Variants in NAA15 observed in about 807,000 individuals in gnomAD.
NAA15 encodes the protein N-alpha-acetyltransferase 15, NatA auxiliary subunit, also known as N-terminal acetyltransferase.
A neutral mutation model predicts 114.0 loss-of-function variants in NAA15; 34 were observed. The observed-to-expected ratio is 0.30, with a 90% confidence interval of 0.23 to 0.40. The LOEUF (loss-of-function observed/expected upper bound fraction) is 0.40, where lower values mean the gene tolerates loss of function less well. NAA15 is among the 10% of genes least tolerant of loss of function. The pLI, the probability that NAA15 is intolerant of heterozygous loss-of-function variation, is 1.00. For synonymous variants in NAA15, 340 were observed against 338.0 expected (o/e 1.01, Z -0.06); for missense variants, 658 against 1,004.5 (o/e 0.66, Z 4.66).
At chr4:139,377,947 G>A (rs1336114891) in intron 16 of NAA15, among the ~76,000 whole-genome samples, 8 of 152,268 alleles carry the variant, frequency 5.3e-5, no homozygotes, top group African/African-American at 1.9e-4. Flanking sequence ...TTGCTTCTTG[G>A]CTGTGTCCTA....
chr4:139,321,209 A>T (rs1466177460), intron 1 of NAA15, among the ~76,000 whole-genome samples: 3 of 151,596 alleles, frequency 2.0e-5, no homozygotes, highest in Non-Finnish European at 4.4e-5. Flanking sequence ...GTTGGGTTAA[A>T]TTTGCTCTTG....
chr4:139,340,290 C>T (rs1031397722), intron 3 of NAA15, among the ~76,000 whole-genome samples: 1 of 152,080 alleles, frequency 6.6e-6, no homozygotes, highest in Non-Finnish European at 1.5e-5. Flanking sequence ...CCACGACACT[C>T]CAGACTGGGT....
intron 1 of NAA15, chr4:139,302,036 C>T: frequency 4.3e-6 from 2 of 466,272 alleles, no homozygotes; most frequent in Non-Finnish European, 7.5e-6. Flanking sequence ...CTTCTTCATT[C>T]CATCCCCACG....
Position 139,301,572 on chromosome 4 carries a change from G to A in NAA15, c.-206G>A, listed in dbSNP as rs1745741979. ...ACGGAGACCCGTAGTGGGGGAGGCG[G>A]CGGCAGCGTTAAGTGAGAAAGGAAA... is the stretch of plus-strand genomic sequence containing the variant. On this transcript the variant is annotated 5_prime_UTR_variant, in exon 1 of 20. Transcript: ENST00000296543. 2 of 597,716 alleles carry A rather than the reference G, an allele frequency of 3.3e-6. No homozygotes were observed. Among genetic ancestry groups the A allele is most frequent in the Non-Finnish European group, 5.8e-6 (2 of 343,716 alleles). 37.0% of individuals were successfully genotyped at this position (597,716 alleles called of 1,614,324 possible).
chr4:139,325,042 C>T (rs990186830), intron 1 of NAA15, among the ~76,000 whole-genome samples: 4 of 152,056 alleles, frequency 2.6e-5, no homozygotes, highest in Non-Finnish European at 5.9e-5. Flanking sequence ...GGATCTAAAA[C>T]TCAGTTACTG....
chr4:139,315,340 C>CA (rs1267713475), intron 1 of NAA15, among the ~76,000 whole-genome samples: 2 of 151,762 alleles, frequency 1.3e-5, no homozygotes, highest in Non-Finnish European at 2.9e-5. Flanking sequence ...GGCAATATGG[C>CA]AAAACCCTAT....
In NAA15 at chr4:139,357,483, G is replaced by C; in HGVS notation, c.1185G>C (p.Glu395Asp). 1.2e-6 allele frequency: 2 copies of C among 1,612,976 alleles called. No homozygotes were observed. The highest frequency in any genetic ancestry group is 1.7e-4 in the Middle Eastern group (1 of 6,054). The change falls in exon 11 of 20, where the codon GAG becomes GAC. Residue 395 changes from glutamate (E) to aspartate (D), a missense_variant. Around this residue, in one of 6 missense-constraint regions of NAA15, gnomAD observed 281 missense variants for 389.1 expected, o/e 0.72. Transcript: ENST00000296543. ...TTGGTCAGCCATCTATTGCTTTGGA[G>C]TACATAAATACTGCTATTGAAAGTA... is the stretch of plus-strand genomic sequence containing the variant. ...DKIGQPSIAL[E>D]YINTAIESTP...
chr4:139,339,689 T>G (rs1239278205), intron 3 of NAA15, among the ~76,000 whole-genome samples: 1 of 152,056 alleles, frequency 6.6e-6, no homozygotes, highest in Admixed American at 6.6e-5. Flanking sequence ...AGGCAGAGGT[T>G]GCAGTGAGCT....
chr4:139,313,976 A>G (rs1746302306), intron 1 of NAA15, among the ~76,000 whole-genome samples: 2 of 151,952 alleles, frequency 1.3e-5, no homozygotes, highest in South Asian at 4.1e-4. Context: ...TTTGACCACA[A>G]CATTAAAAAA....
At chr4:139,379,672 C>T (rs1748686420) in intron 17 of NAA15, among the ~76,000 whole-genome samples, 1 of 152,094 alleles carries the variant, frequency 6.6e-6, no homozygotes, top group Admixed American at 6.6e-5. Context: ...ATCACATTGC[C>T]AACTCCATAC....
chr4:139,346,900 C>T (rs1230514643), intron 6 of NAA15, among the ~76,000 whole-genome samples: 9 of 152,036 alleles, frequency 5.9e-5, no homozygotes, highest in South Asian at 2.1e-4. Flanking sequence ...GGGAAGGAAA[C>T]GAGGATGGGT....
Position 139,384,977 on chromosome 4 carries a change from A to G in NAA15, c.2301A>G (p.Ser767=). The G allele has an allele frequency of 6.6e-7, 1 of 1,521,112 alleles. No homozygotes were observed. The highest frequency in any genetic ancestry group is 1.4e-5 in the South Asian group (1 of 73,602). 94.2% of individuals were successfully genotyped at this position (1,521,112 alleles called of 1,614,324 possible). The change falls in exon 18 of 20, where the codon TCA becomes TCG. Residue 767 remains serine (S), a splice_region_variant and synonymous_variant. Transcript: ENST00000296543. ...CTGATTCATTGCCACACAGATTATC[A>G]GGTAATCACTTTATTTTATCCTTAG... is the stretch of plus-strand genomic sequence containing the variant. The part of the protein sequence containing the change: ...RNSDSLPHRL[S]AAKMVYYLDP...
chr4:139,306,600 T>G (rs1156423353), intron 1 of NAA15, among the ~76,000 whole-genome samples: 1 of 150,734 alleles, frequency 6.6e-6, no homozygotes, highest in Non-Finnish European at 1.5e-5. Context: ...TGGTCTGGTT[T>G]TTTTTTTGTT....
intron 17 of NAA15, chr4:139,379,404 A>G (rs932272210): frequency 1.3e-5 from 2 of 152,232 alleles, no homozygotes; most frequent in African/African-American, 4.8e-5. Context: ...TGTTACAGTA[A>G]TTGTCTCTCA....
chr4:139,390,132 T>G lies in NAA15; in HGVS notation c.*2048T>G, dbSNP rs1749016650. Reference sequence around the variant, plus strand: ...GTATATTGAAATGAAATTCATTTATTTGTCTTGACAATGTTCAAATGATGT... The same window carrying G: ...GTATATTGAAATGAAATTCATTTATGTGTCTTGACAATGTTCAAATGATGT... On this transcript the variant is annotated 3_prime_UTR_variant, in exon 20 of 20. Coordinates refer to ENST00000296543, the MANE Select transcript of NAA15 (RefSeq NM_057175.5). 1 of 152,662 alleles carries G rather than the reference T, an allele frequency of 6.6e-6. No individual in the cohort carries two copies. The highest frequency in any genetic ancestry group is 2.4e-5 in the African/African-American group (1 of 41,456). 9.5% of individuals were successfully genotyped at this position (152,662 alleles called of 1,614,324 possible). A position where few individuals can be genotyped will look rare whatever the true frequency, so the allele number is the denominator to read the frequency against.
intron 1 of NAA15, among the ~76,000 whole-genome samples, chr4:139,310,449 G>A (rs1053786491): frequency 1.2e-4 from 16 of 138,928 alleles, no homozygotes; most frequent in African/African-American, 2.1e-4. Context: ...GCGAGACTCC[G>A]TCTCAAAAAA....
chr4:139,334,332 C>T (rs759415761), intron 2 of NAA15, 74 bp downstream of exon 2: 26 of 964,562 alleles, frequency 2.7e-5, no homozygotes, highest in Non-Finnish European at 3.8e-5. Context: ...TTCCCAGCTG[C>T]CTTAACTGTT....
rs1385112541 is a variant in NAA15, at chr4:139,390,860, G to A, written c.*2776G>A. 2 of 152,054 alleles carry A rather than the reference G, an allele frequency of 1.3e-5. No homozygotes were observed. The highest frequency in any genetic ancestry group is 6.5e-5 in the Admixed American group (1 of 15,274). 9.4% of individuals were successfully genotyped at this position (152,054 alleles called of 1,614,324 possible). A position where few individuals can be genotyped will look rare whatever the true frequency, so the allele number is the denominator to read the frequency against. ...TTATCAGGCCCTTGTTTTTCACAGTGTTGTTTGTACTCCATGGTGTATTGC... is the reference window on the plus strand; with the variant it reads ...TTATCAGGCCCTTGTTTTTCACAGTATTGTTTGTACTCCATGGTGTATTGC... On this transcript the variant is annotated 3_prime_UTR_variant, in exon 20 of 20. Coordinates refer to ENST00000296543, the MANE Select transcript of NAA15 (RefSeq NM_057175.5).
At chr4:139,334,512 C>T (rs879315504) in intron 2 of NAA15, among the ~76,000 whole-genome samples, 3 of 152,120 alleles carry the variant, frequency 2.0e-5, no homozygotes, top group Admixed American at 2.0e-4. Flanking sequence ...GGATAGAATG[C>T]TAAAATTTAC....
Sources: allele counts gnomAD v4.1 joint callset (sites outside exome capture counted in the v4.1 genomes callset), GRCh38; gene constraint gnomAD v4.1.1; regional missense constraint gnomAD v4.1.1; transcripts MANE v1.5; gene names NCBI Gene and HGNC (gene_info 2026-07-23, HGNC 2026-07-21).